Variants in RFTN2 observed in about 807,000 individuals in gnomAD.
RFTN2 encodes the protein raftlin-2.
A neutral mutation model predicts 52.7 loss-of-function variants in RFTN2; 34 were observed. That is an observed-to-expected ratio of 0.64 (90% confidence interval 0.49 to 0.86). The LOEUF is 0.86. Among genes scored for constraint, RFTN2 ranks in the 40% least tolerant of loss-of-function variants. RFTN2 has a pLI of 0.00. For missense variants in RFTN2, 536 were observed against 600.1 expected (o/e 0.89, Z 1.12); for synonymous variants, 203 against 217.7 (o/e 0.93, Z 0.59).
intron 8 of RFTN2, among the ~76,000 whole-genome samples, chr2:197,594,794 A>G (rs2087770442): frequency 6.6e-6 from 1 of 152,062 alleles, no homozygotes; most frequent in African/African-American, 2.4e-5. Flanking sequence ...CTACCTCTCT[A>G]CCGATTTACC....
chr2:197,588,301 G>C (rs757990898), intron 8 of RFTN2, among the ~76,000 whole-genome samples: 4 of 152,104 alleles, frequency 2.6e-5, no homozygotes, highest in Non-Finnish European at 5.9e-5. Context: ...GTTTCACTCT[G>C]TCTTGAGATT....
intron 1 of RFTN2, among the ~76,000 whole-genome samples, chr2:197,667,585 TTGTGGAAAAGGTTTTTCCTGAGGA>T (rs2089079806): frequency 6.6e-6 from 1 of 152,220 alleles, no homozygotes; most frequent in African/African-American, 2.4e-5. Flanking sequence ...TGAACTGCTT[TTGTGGAAAAGGTTTTTCCTGAGGA>T]TGTATCTATG....
intron 7 of RFTN2, among the ~76,000 whole-genome samples, chr2:197,606,979 G>A (rs1350742074): frequency 7.9e-5 from 12 of 152,094 alleles, no homozygotes; most frequent in Admixed American, 6.6e-5. Flanking sequence ...CCCATTACTG[G>A]GTATATACCC....
Position 197,586,534 on chromosome 2 carries a change from C to T in RFTN2, c.1233+9457G>A, listed in dbSNP as rs114560888. 6.6e-3 allele frequency among the ~76,000 whole-genome samples: 1,002 copies of T among 152,348 alleles called. 4 individuals are homozygous for T. The highest frequency in any genetic ancestry group is 0.02 in the Middle Eastern group (6 of 294). On this transcript the variant is annotated intron_variant, in intron 8 of 8. Transcript: ENST00000295049. ...GGCACATGCACATTAATTTTCCTTA[C>T]TCCCAAAATTCAATTTGCAAATGGG... is the stretch of plus-strand genomic sequence containing the variant.
intron 1 of RFTN2, among the ~76,000 whole-genome samples, chr2:197,653,261 A>C (rs941649183): frequency 9.2e-5 from 14 of 152,274 alleles, no homozygotes; most frequent in African/African-American, 3.4e-4. Flanking sequence ...TTAGGGGTGA[A>C]ATTAGAGACA....
intron 7 of RFTN2, among the ~76,000 whole-genome samples, chr2:197,597,261 C>A (rs1351671313): frequency 6.6e-6 from 1 of 152,046 alleles, no homozygotes; most frequent in Admixed American, 6.6e-5. Flanking sequence ...CCATTTTGAC[C>A]TTATCTTTGA....
intron 8 of RFTN2, among the ~76,000 whole-genome samples, chr2:197,589,970 G>A (rs555827484): frequency 8.7e-4 from 133 of 152,130 alleles, no homozygotes; most frequent in Non-Finnish European, 1.5e-3. Flanking sequence ...ACAGTGGCGC[G>A]ATCATGGCTC....
At chr2:197,578,792 C>T (rs925128991) in intron 8 of RFTN2, among the ~76,000 whole-genome samples, 8 of 152,182 alleles carry the variant, frequency 5.3e-5, no homozygotes, top group African/African-American at 9.6e-5. Flanking sequence ...TGCCGTGATT[C>T]GGATTGGGGG....
intron 1 of RFTN2, among the ~76,000 whole-genome samples, chr2:197,669,636 C>T (rs111980027): frequency 0.024 from 3,629 of 152,220 alleles, 138 homozygotes; most frequent in African/African-American, 0.083. Context: ...ATCCCTTGCA[C>T]GCGCAGTTCA....
At chr2:197,621,273 A>G (rs997162118) in intron 5 of RFTN2, among the ~76,000 whole-genome samples, 2 of 151,772 alleles carry the variant, frequency 1.3e-5, no homozygotes, top group South Asian at 4.1e-4. Flanking sequence ...TTACTTTGGG[A>G]TTATATAATG....
Position 197,584,791 on chromosome 2 carries a change from C to T in RFTN2, c.1233+11200G>A, listed in dbSNP as rs1371856642. 3.9e-5 allele frequency among the ~76,000 whole-genome samples: 6 copies of T among 152,186 alleles called. 1 individual carries two copies. The highest frequency in any genetic ancestry group is 7.3e-5 in the Non-Finnish European group (5 of 68,038). On this transcript the variant is annotated intron_variant, in intron 8 of 8. Transcript: ENST00000295049. Reference sequence around the variant, plus strand: ...GACGCACTTTCTTGCTCAGCCCCAACCTCATCCCAGACACCAGTCCTCTAG... The same window carrying T: ...GACGCACTTTCTTGCTCAGCCCCAATCTCATCCCAGACACCAGTCCTCTAG...
At chr2:197,634,984 G>T (rs1294671478) in intron 3 of RFTN2, among the ~76,000 whole-genome samples, 2 of 111,162 alleles carry the variant, frequency 1.8e-5, no homozygotes, top group Admixed American at 8.8e-5. Context: ...AGAATATGCG[G>T]TGTTTCGTTT....
chr2:197,666,365 T>C (rs987549918), intron 1 of RFTN2, among the ~76,000 whole-genome samples: 1 of 152,208 alleles, frequency 6.6e-6, no homozygotes, highest in Non-Finnish European at 1.5e-5. Flanking sequence ...CATGGACCAC[T>C]GTGCCCAGCC....
At chr2:197,576,162 C>T (rs2087416455) in intron 8 of RFTN2, among the ~76,000 whole-genome samples, 2 of 151,920 alleles carry the variant, frequency 1.3e-5, no homozygotes, top group Non-Finnish European at 1.5e-5. Flanking sequence ...GCATGCGCCA[C>T]CTTGCCAGCT....
chr2:197,581,675 A>G (rs1287317725), intron 8 of RFTN2, among the ~76,000 whole-genome samples: 1 of 151,934 alleles, frequency 6.6e-6, no homozygotes, highest in Non-Finnish European at 1.5e-5. Context: ...CAAAGCTCAA[A>G]TTTCTTCTCC....
In RFTN2 at chr2:197,576,265, C is replaced by G. The variant is rs553573994; in HGVS notation, c.1234-3985G>C. Among the ~76,000 whole-genome samples the G allele has an allele frequency of 2.0e-5, 3 of 152,218 alleles. No homozygotes were observed. In the South Asian group the frequency reaches 6.2e-4, roughly 32 times the overall value. On this transcript the variant is annotated intron_variant, in intron 8 of 8. Coordinates refer to ENST00000295049, the MANE Select transcript of RFTN2 (RefSeq NM_144629.3). ...CAGCATTTTGCCCACCTCTGCCTCCCAAAGTGCTGGGATTACTGGTGTGAG... is the reference window on the plus strand; with the variant it reads ...CAGCATTTTGCCCACCTCTGCCTCCGAAAGTGCTGGGATTACTGGTGTGAG...
intron 7 of RFTN2, among the ~76,000 whole-genome samples, chr2:197,605,382 A>AT (rs1191275088): frequency 1.3e-5 from 2 of 151,818 alleles, no homozygotes; most frequent in Non-Finnish European, 2.9e-5. Context: ...CGCCCGGCTA[A>AT]TTTTTTGTAT....
At chr2:197,632,926 T>C (rs935366059) in intron 4 of RFTN2, among the ~76,000 whole-genome samples, 3 of 152,186 alleles carry the variant, frequency 2.0e-5, no homozygotes, top group African/African-American at 7.2e-5. Context: ...GGTCAAACAC[T>C]TTGTAGACAT....
intron 1 of RFTN2, among the ~76,000 whole-genome samples, chr2:197,672,225 A>C (rs544422057): frequency 1.2e-4 from 19 of 152,304 alleles, no homozygotes; most frequent in African/African-American, 4.3e-4. Flanking sequence ...CCTAGATGAA[A>C]CTTTAAATTT....
Sources: allele counts gnomAD v4.1 joint callset (sites outside exome capture counted in the v4.1 genomes callset), GRCh38; gene constraint gnomAD v4.1.1; transcripts MANE v1.5; gene names NCBI Gene and HGNC (gene_info 2026-07-23, HGNC 2026-07-21).